UBXN2B: variants seen among roughly 807,000 people sequenced by gnomAD.
UBXN2B encodes the protein UBX domain protein 2B.
UBXN2B carries 19 observed loss-of-function variants against 37.5 expected under a neutral mutation model. That is an observed-to-expected ratio of 0.51 (90% CI 0.35 to 0.74). The LOEUF (loss-of-function observed/expected upper bound fraction) is 0.74, where lower values mean the gene tolerates loss of function less well. Ranked by LOEUF, UBXN2B falls within the 30% of genes least tolerant of loss-of-function variation. The pLI is 0.01. For synonymous variants in UBXN2B, 145 were observed against 143.8 expected, an observed-to-expected ratio of 1.01 and a Z score of -0.06; for missense variants, 370 against 393.2, an observed-to-expected ratio of 0.94 and a Z score of 0.50.
chr8:58,417,077 C>T (rs1330675179), intron 2 of UBXN2B, 124 bp downstream of exon 2: 1 of 722,312 alleles, frequency 1.4e-6, no homozygotes, highest in Non-Finnish European at 2.1e-6. Flanking sequence ...ATTATTATTC[C>T]AAGATCGAGG....
intron 2 of UBXN2B, among the ~76,000 whole-genome samples, chr8:58,428,486 G>GT (rs2129604100): frequency 1.3e-5 from 2 of 152,244 alleles, no homozygotes; most frequent in South Asian, 4.1e-4. Flanking sequence ...TCATTTTGAT[G>GT]TTTTCCTCCT....
chr8:58,418,683 A>C (rs1315694840), intron 2 of UBXN2B, among the ~76,000 whole-genome samples: 1 of 152,176 alleles, frequency 6.6e-6, no homozygotes, highest in Non-Finnish European at 1.5e-5. Context: ...CCACCACAGC[A>C]CTCCATTGTA....
intron 2 of UBXN2B, among the ~76,000 whole-genome samples, chr8:58,419,499 G>A (rs1194027270): frequency 2.0e-5 from 3 of 152,180 alleles, no homozygotes; most frequent in African/African-American, 4.8e-5. Context: ...AAGACCCTCA[G>A]GATATAGTCT....
chr8:58,433,601 CCTAT>C (rs1186441833), intron 4 of UBXN2B, among the ~76,000 whole-genome samples: 1 of 148,092 alleles, frequency 6.8e-6, no homozygotes, highest in East Asian at 2.0e-4. Flanking sequence ...ATAGCCAGAC[CCTAT>C]CTCTTTAAAA....
At chr8:58,421,583 T>G (rs1807925402) in intron 2 of UBXN2B, among the ~76,000 whole-genome samples, 1 of 152,178 alleles carries the variant, frequency 6.6e-6, no homozygotes, top group Non-Finnish European at 1.5e-5. Context: ...CATTACTGAC[T>G]GGGCTCTCTC....
chr8:58,446,358 T>C (rs900767505), intron 7 of UBXN2B, among the ~76,000 whole-genome samples: 1 of 152,212 alleles, frequency 6.6e-6, no homozygotes, highest in African/African-American at 2.4e-5. Flanking sequence ...TAAAACTATA[T>C]GAAGTCGAAT....
At chr8:58,414,369 C>G (rs1173890409) in intron 1 of UBXN2B, among the ~76,000 whole-genome samples, 1 of 152,182 alleles carries the variant, frequency 6.6e-6, no homozygotes, top group Non-Finnish European at 1.5e-5. Context: ...GAATTGGTTA[C>G]TCTAAGGCTG....
At chr8:58,434,742 A>T (rs1440257245) in intron 5 of UBXN2B, 3 of 1,469,388 alleles carry the variant, frequency 2.0e-6, no homozygotes, top group Non-Finnish European at 1.8e-6. Context: ...CCATTTTAAA[A>T]TCTGATGAAA....
At chr8:58,416,677 A>G (rs1027181843) in intron 1 of UBXN2B, among the ~76,000 whole-genome samples, 173 bp from the exon 2 acceptor site, 4 of 152,204 alleles carry the variant, frequency 2.6e-5, no homozygotes, top group East Asian at 1.9e-4. Context: ...GGTTAGTTCT[A>G]TATAATGAGA....
At chr8:58,424,486 C>A in intron 2 of UBXN2B, 1 of 620,764 alleles carries the variant, frequency 1.6e-6, no homozygotes, top group Non-Finnish European at 2.9e-6. Context: ...CCTTCCAAAT[C>A]CAAATTTGGT....
intron 6 of UBXN2B, among the ~76,000 whole-genome samples, chr8:58,441,009 T>C (rs1808526899): frequency 6.6e-6 from 1 of 151,824 alleles, no homozygotes; most frequent in South Asian, 2.1e-4. Context: ...TTTTTTTTTT[T>C]TGAGATGGGG....
At chr8:58,430,809 T>A in intron 3 of UBXN2B, 140 bp downstream of exon 3, 1 of 699,250 alleles carries the variant, frequency 1.4e-6, no homozygotes, top group East Asian at 3.6e-5. Flanking sequence ...AATTATAATA[T>A]TTCTATTAAT....
rs568493179 is a variant in UBXN2B at position 58,430,951 on chromosome 8, A to G, written c.339+282A>G. Among the ~76,000 whole-genome samples, 9 of 152,300 alleles carry G rather than the reference A, an allele frequency of 5.9e-5. No homozygotes were observed. The South Asian group carries it at 1.9e-3, about 32-fold the overall frequency. On this transcript the variant is annotated intron_variant, in intron 3 of 7. Coordinates refer to ENST00000399598, the MANE Select transcript of UBXN2B (RefSeq NM_001077619.2). ...GAGGTTTCATGTACCTTTCACTTCA[A>G]TGGTTTCCCCCAATGGTTCCCCCCA...
chr8:58,426,394 G>A (rs184284334), intron 2 of UBXN2B: 1 of 519,280 alleles, frequency 1.9e-6, no homozygotes, highest in East Asian at 3.7e-5. Context: ...TTTTTTAGTA[G>A]AGACGGGGTT....
intron 5 of UBXN2B, chr8:58,434,969 T>C (rs1247089551): frequency 1.3e-6 from 2 of 1,535,086 alleles, no homozygotes; most frequent in Non-Finnish European, 1.7e-6. Context: ...AGTTATAATT[T>C]GTGAAAGTAA....
At position 58,430,622 on chromosome 8, in the gene UBXN2B, G is replaced by C. The variant is rs760058063; in HGVS notation, c.292G>C (p.Val98Leu). 6.3e-7 allele frequency: 1 copy of C among 1,598,710 alleles called. No homozygotes were observed. The highest frequency in any genetic ancestry group is 8.5e-7 in the Non-Finnish European group (1 of 1,171,558). Residue 98 changes from valine to leucine, a missense_variant, in exon 3 of 8, where the codon GTC becomes CTC. Val to Leu is a conservative substitution (Grantham distance 32). Around this residue, in one of 3 missense-constraint regions of UBXN2B, gnomAD observed 197 missense variants for 170.2 expected, o/e 1.16. Transcript: ENST00000399598. ...CAAAGAGGCAAGGGAACATGGGGCT[G>C]TCCCTCTGAATGAAGCCACAAGAGC... The part of the protein sequence containing the change: ...LFKEAREHGA[V>L]PLNEATRASG...
intron 1 of UBXN2B, among the ~76,000 whole-genome samples, chr8:58,414,126 A>G (rs1807711941): frequency 6.6e-6 from 1 of 152,210 alleles, no homozygotes; most frequent in South Asian, 2.1e-4. Context: ...GAAGAATTAA[A>G]ATGTCTGATA....
At chr8:58,438,853 C>T (rs962108050) in intron 5 of UBXN2B, among the ~76,000 whole-genome samples, 46 of 152,162 alleles carry the variant, frequency 3.0e-4, no homozygotes, top group African/African-American at 1.1e-3. Flanking sequence ...TTTGTCCCCT[C>T]CAAATCTCAT....
intron 6 of UBXN2B, among the ~76,000 whole-genome samples, chr8:58,440,839 TCTC>T (rs541010279): frequency 6.3e-4 from 96 of 152,280 alleles, no homozygotes; most frequent in African/African-American, 2.2e-3. Context: ...TGTATTCTCT[TCTC>T]CTGATAGAGA....
Sources: gnomAD v4.1 joint callset for allele counts (sites outside exome capture counted in the v4.1 genomes callset) on GRCh38, gnomAD v4.1.1 for gene constraint, gnomAD v4.1.1 regional missense constraint, MANE v1.5 for transcripts, NCBI Gene and HGNC (gene_info 2026-07-23, HGNC 2026-07-21) for gene names.